Variants in CARS2 observed in about 807,000 individuals in gnomAD.
CARS2 encodes probable cysteine--tRNA ligase, mitochondrial.
A neutral mutation model predicts 68.8 loss-of-function variants in CARS2; 52 were observed. The observed-to-expected ratio is 0.76, with a 90% confidence interval of 0.61 to 0.95. The LOEUF (loss-of-function observed/expected upper bound fraction) is 0.95, where lower values mean the gene tolerates loss of function less well. Ranked by LOEUF, CARS2 falls within the 40% of genes least tolerant of loss-of-function variation. CARS2 has a pLI of 0.00. For missense variants in CARS2, 780 were observed against 754.2 expected, an observed-to-expected ratio of 1.03 and a Z score of -0.40; for synonymous variants, 314 against 303.6, an observed-to-expected ratio of 1.03 and a Z score of -0.36.
chr13:110,645,978 C>G lies in CARS2; in HGVS notation c.1306G>C (p.Ala436Pro). The change falls in exon 12 of 15, where the codon GCG becomes CCG. Residue 436 changes from alanine (A) to proline (P), a missense_variant. Transcript: ENST00000257347. ...GTTCGTTGAGCTACCTTCAGGGACG[C>G]CCTGAGCTGTCCATTCCCGTGGTGT... ...LAHHGNGQLRASLKEPEGPRS... is the reference protein window; with the variant it reads ...LAHHGNGQLRPSLKEPEGPRS... 6.2e-7 allele frequency: 1 copy of G among 1,613,630 alleles called. No homozygotes were observed. The highest frequency in any genetic ancestry group is 8.5e-7 in the Non-Finnish European group (1 of 1,179,806).
chr13:110,705,730 G>T lies in CARS2; in HGVS notation c.224+140C>A, dbSNP rs976156717. 9 of 1,534,084 alleles carry T rather than the reference G, an allele frequency of 5.9e-6. No individual in the cohort carries two copies. The Admixed American group carries it at 5.9e-5, about 10-fold the overall frequency. ...TCAATTCACACCCAAACCTGCAAAA[G>T]CACCGCGCACCCCCAGCTTCTAGAA... is the stretch of plus-strand genomic sequence containing the variant. On this transcript the variant is annotated intron_variant, in intron 1 of 14. Transcript: ENST00000257347. This position sits in a 1 kb window ranked among gnomAD's most constrained non-coding sequence, Gnocchi z 4.0.
chr13:110,694,544 G>C (rs2063564495), intron 3 of CARS2, among the ~76,000 whole-genome samples: 1 of 152,008 alleles, frequency 6.6e-6, no homozygotes, highest in South Asian at 2.1e-4. Context: ...GGCTGAGGCA[G>C]GAAAATCGCT....
chr13:110,694,885 A>G (rs961674710), intron 3 of CARS2, among the ~76,000 whole-genome samples: 3 of 152,218 alleles, frequency 2.0e-5, no homozygotes, highest in Admixed American at 1.3e-4. Context: ...AAGAAACCCA[A>G]TGTCCAACGG....
At chr13:110,645,806 G>A (rs577545411) in intron 12 of CARS2, 161 bp downstream of exon 12, 26 of 950,528 alleles carry the variant, frequency 2.7e-5, no homozygotes, top group Middle Eastern at 3.5e-4. Context: ...GTGCCATCCC[G>A]TGTGTCAGCG....
chr13:110,651,318 G>A lies in CARS2; in HGVS notation c.988-218C>T, dbSNP rs562120945. The A allele has an allele frequency of 6.8e-5, 36 of 528,804 alleles. No individual in the cohort carries two copies. In the Middle Eastern group the frequency reaches 1.4e-3, roughly 20 times the overall value. 32.8% of individuals were successfully genotyped at this position (528,804 alleles called of 1,614,324 possible). A position where few individuals can be genotyped will look rare whatever the true frequency, so the allele number is the denominator to read the frequency against. On this transcript the variant is annotated intron_variant, in intron 9 of 14. Coordinates refer to ENST00000257347, the MANE Select transcript of CARS2 (RefSeq NM_024537.4). ...TTCGATCTCAGTATTTGTGGAAAGAGCAAGAAGAGAAAGCCGGTTTGCACT... is the reference window on the plus strand; with the variant it reads ...TTCGATCTCAGTATTTGTGGAAAGAACAAGAAGAGAAAGCCGGTTTGCACT...
At chr13:110,680,887 T>C (rs1210099914) in intron 6 of CARS2, among the ~76,000 whole-genome samples, 1 of 152,228 alleles carries the variant, frequency 6.6e-6, no homozygotes, top group East Asian at 1.9e-4. Context: ...CTGTCAGAGT[T>C]AGGGCAGTAG....
intron 10 of CARS2, among the ~76,000 whole-genome samples, chr13:110,649,674 G>A (rs1218225783): frequency 1.3e-5 from 2 of 152,186 alleles, no homozygotes; most frequent in Admixed American, 6.5e-5. Flanking sequence ...AAGGGGGAGA[G>A]GGAGGTGGCA....
chr13:110,643,677 GA>G, intron 13 of CARS2: 1 of 157,250 alleles, frequency 6.4e-6, no homozygotes, highest in Non-Finnish European at 1.4e-5. Context: ...GAATGACAGG[GA>G]TGTTCAGGGA....
intron 7 of CARS2, among the ~76,000 whole-genome samples, chr13:110,674,094 A>C (rs1463082587): frequency 6.6e-6 from 1 of 152,250 alleles, no homozygotes; most frequent in Admixed American, 6.5e-5. Flanking sequence ...TTCCATGCTC[A>C]TGGATAGGAA....
At chr13:110,666,491 C>T in intron 8 of CARS2, 2 of 985,324 alleles carry the variant, frequency 2.0e-6, no homozygotes, top group Non-Finnish European at 2.4e-6. Flanking sequence ...GGTTCCCCGA[C>T]TCAACAGGGT....
chr13:110,704,186 T>C (rs1233172339), intron 2 of CARS2, among the ~76,000 whole-genome samples: 2 of 152,222 alleles, frequency 1.3e-5, no homozygotes, highest in Non-Finnish European at 2.9e-5. Context: ...CAAAGCTCCA[T>C]AGAAGGATGA....
intron 3 of CARS2, among the ~76,000 whole-genome samples, chr13:110,693,527 T>C (rs1008704574): frequency 6.6e-6 from 1 of 152,034 alleles, no homozygotes; most frequent in African/African-American, 2.4e-5. Context: ...GCCCGGCTAA[T>C]TTTTTGTATT....
intron 9 of CARS2, among the ~76,000 whole-genome samples, chr13:110,655,478 G>A (rs379140): frequency 2.0e-5 from 3 of 152,022 alleles, no homozygotes; most frequent in African/African-American, 7.3e-5. Flanking sequence ...GTAGAAAACC[G>A]ACTGAGGCCA....
intron 4 of CARS2, 43 bp downstream of exon 4, chr13:110,687,904 G>T: frequency 1.3e-6 from 2 of 1,567,160 alleles, no homozygotes; most frequent in Non-Finnish European, 8.8e-7. Flanking sequence ...CATTGCTCAC[G>T]CCTGTCACCC....
intron 5 of CARS2, among the ~76,000 whole-genome samples, chr13:110,683,371 AC>A (rs1329853412): frequency 6.6e-6 from 1 of 152,166 alleles, no homozygotes; most frequent in Non-Finnish European, 1.5e-5. Context: ...CAGTCTTCCC[AC>A]CTCAACCTTC....
chr13:110,701,148 C>T (rs1320205149), intron 3 of CARS2, among the ~76,000 whole-genome samples: 4 of 151,990 alleles, frequency 2.6e-5, no homozygotes, highest in Non-Finnish European at 5.9e-5. Flanking sequence ...TTGCAACCTT[C>T]GCCCCCCCAG....
chr13:110,688,004 G>A lies in CARS2; in HGVS notation c.408C>T (p.Pro136=), dbSNP rs755243580. 32 of 1,609,562 alleles carry A rather than the reference G, an allele frequency of 2.0e-5. No homozygotes were observed. The highest frequency in any genetic ancestry group is 1.8e-4 in the Admixed American group (11 of 59,946). The stretch of plus-strand genomic sequence containing the variant: ...CCTCATAAAGACTGGCGAGGGAAGC[G>A]GGGGAAATATTCATCTGCAGAAGGA... ...IKRANEMNIS[P]ASLASLYEED... is the part of the protein sequence containing the mutation. Residue 136 remains proline (P), a synonymous_variant, in exon 4 of 15, where the codon CCC becomes CCT. Coordinates refer to ENST00000257347, the MANE Select transcript of CARS2 (RefSeq NM_024537.4).
intron 9 of CARS2, among the ~76,000 whole-genome samples, chr13:110,657,748 A>G (rs878960927): frequency 6.6e-6 from 1 of 152,212 alleles, no homozygotes; most frequent in Admixed American, 6.5e-5. Flanking sequence ...GCTTATTAGG[A>G]AACAAATTAC....
intron 8 of CARS2, chr13:110,666,283 C>G: frequency 5.1e-6 from 5 of 985,414 alleles, no homozygotes; most frequent in Non-Finnish European, 6.0e-6. Context: ...ATTAGAAACT[C>G]CACCGACACC....
Sources: gnomAD v4.1 joint callset for allele counts (sites outside exome capture counted in the v4.1 genomes callset) on GRCh38, gnomAD v4.1.1 for gene constraint, Gnocchi (gnomAD v3.1) non-coding constraint, MANE v1.5 for transcripts, NCBI Gene and HGNC (gene_info 2026-07-23, HGNC 2026-07-21) for gene names.